The following PDZD2 variants were observed in gnomAD, a reference collection of about 807,000 sequenced individuals.
PDZD2 encodes the protein PDZ domain-containing protein 2.
A neutral mutation model predicts 220.7 loss-of-function variants in PDZD2; 90 were observed. That is an observed-to-expected ratio of 0.41 (90% confidence interval 0.34 to 0.49). PDZD2 has a LOEUF of 0.49. Among genes scored for constraint, PDZD2 ranks in the 20% least tolerant of loss-of-function variants. PDZD2 has a pLI of 0.28. For missense variants in PDZD2, 3,174 were observed against 3,608.5 expected (o/e 0.88, Z 3.08); for synonymous variants, 1,375 against 1,450.5 (o/e 0.95, Z 1.18).
intron 4 of PDZD2, among the ~76,000 whole-genome samples, chr5:31,996,471 G>A (rs940010269): frequency 1.3e-5 from 2 of 152,088 alleles, no homozygotes; most frequent in African/African-American, 4.8e-5. Flanking sequence ...GGTGCTCTGG[G>A]AGGCTGAGGC....
intron 1 of PDZD2, among the ~76,000 whole-genome samples, chr5:31,724,423 G>A (rs1285343451): frequency 6.6e-6 from 1 of 152,044 alleles, no homozygotes; most frequent in East Asian, 1.9e-4. Flanking sequence ...CCAACATGGA[G>A]AAACCCCGTC....
chr5:31,799,873 G>A, intron 2 of PDZD2, 149 bp downstream of exon 2: 3 of 633,144 alleles, frequency 4.7e-6, no homozygotes, highest in African/African-American at 1.8e-5. Context: ...TCCATTCAAC[G>A]CAGCATCACA....
rs914636819 is a variant in PDZD2, at chr5:31,639,972, T to C, written c.-361+535T>C. Reference sequence around the variant, plus strand: ...GGGGCGCGCAAAGATCAAGGGCATCTTAGGGCCGGTTATTGGCGTCTGCCG... The same window carrying C: ...GGGGCGCGCAAAGATCAAGGGCATCCTAGGGCCGGTTATTGGCGTCTGCCG... On this transcript the variant is annotated intron_variant, in intron 1 of 24. Coordinates refer to ENST00000438447, the MANE Select transcript of PDZD2 (RefSeq NM_178140.4). The surrounding 1 kb of genome is among the most constrained non-coding windows in gnomAD (Gnocchi z 4.1). Among the ~76,000 whole-genome samples the C allele has an allele frequency of 6.6e-6, 1 of 152,050 alleles. No individual in the cohort carries two copies. The highest frequency in any genetic ancestry group is 1.5e-5 in the Non-Finnish European group (1 of 67,988).
chr5:31,967,507 C>T (rs1170464997), intron 2 of PDZD2, among the ~76,000 whole-genome samples: 4 of 152,158 alleles, frequency 2.6e-5, no homozygotes, highest in Non-Finnish European at 4.4e-5. Flanking sequence ...GTGGCAGGGG[C>T]AGTGTGCAAC....
intron 23 of PDZD2, chr5:32,100,610 C>T (rs1188871685): frequency 8.7e-6 from 3 of 345,344 alleles, no homozygotes; most frequent in African/African-American, 4.3e-5. Context: ...CTCTGGGTTC[C>T]TGGGGGCTTT....
At chr5:32,074,709 C>G (rs1741125112) in intron 18 of PDZD2, 66 bp downstream of exon 18, 4 of 1,088,940 alleles carry the variant, frequency 3.7e-6, no homozygotes, top group Non-Finnish European at 5.3e-6. Context: ...AAGATGGAGT[C>G]TGTTGTAAAG....
At position 31,729,099 on chromosome 5, in the gene PDZD2, C is replaced by CTTTTT. The variant is rs10650811; in HGVS notation, c.-360-69773_-360-69769dup. Among the ~76,000 whole-genome samples the CTTTTT allele has an allele frequency of 9.4e-4, 116 of 123,672 alleles. 2 individuals are homozygous for CTTTTT. The highest frequency in any genetic ancestry group is 3.1e-3 in the African/African-American group (101 of 32,234). The allele number at this position is 123,672 out of a possible 152,430, so 81.1% of individuals were successfully genotyped here. Reference sequence around the variant, plus strand: ...AGCCTTACATGAAAGTGATCGAAATCTTTTTTTTTTTTTTTTTTTTTGAGA... The same window carrying CTTTTT: ...AGCCTTACATGAAAGTGATCGAAATCTTTTTTTTTTTTTTTTTTTTTTTTTTGAGA... On this transcript the variant is annotated intron_variant, in intron 1 of 24. Transcript: ENST00000438447.
intron 2 of PDZD2, among the ~76,000 whole-genome samples, chr5:31,802,371 A>T (rs1266652680): frequency 6.6e-6 from 1 of 152,184 alleles, no homozygotes; most frequent in Non-Finnish European, 1.5e-5. Flanking sequence ...TAACTGGCAG[A>T]GCCGAGGCTC....
chr5:31,924,476 G>A (rs913041197), intron 2 of PDZD2, among the ~76,000 whole-genome samples: 2 of 152,130 alleles, frequency 1.3e-5, no homozygotes, highest in East Asian at 1.9e-4. Flanking sequence ...CTGAAAAATC[G>A]CTCCTGATTC....
At chr5:31,911,811 C>A (rs1875981) in intron 2 of PDZD2, among the ~76,000 whole-genome samples, 30,054 of 152,098 alleles carry the variant, frequency 0.2, 3,286 homozygotes, top group African/African-American at 0.3. Context: ...GCCAGGACTG[C>A]GCTTCTCTTC....
intron 1 of PDZD2, among the ~76,000 whole-genome samples, chr5:31,680,201 C>T (rs940650417): frequency 1.1e-4 from 17 of 152,214 alleles, no homozygotes; most frequent in African/African-American, 3.9e-4. Flanking sequence ...TCGGGGAGGA[C>T]AAGGCCCTCG....
At chr5:31,663,946 G>T (rs536197415) in intron 1 of PDZD2, among the ~76,000 whole-genome samples, 1 of 152,226 alleles carries the variant, frequency 6.6e-6, no homozygotes, top group Non-Finnish European at 1.5e-5. Flanking sequence ...AAAGTAAGAA[G>T]ATTACTGCTT....
At chr5:31,921,250 TCTC>T (rs1744223962) in intron 2 of PDZD2, among the ~76,000 whole-genome samples, 1 of 152,184 alleles carries the variant, frequency 6.6e-6, no homozygotes, top group Non-Finnish European at 1.5e-5. Flanking sequence ...GAATCCCAAC[TCTC>T]CTCCATCTGT....
intron 20 of PDZD2, among the ~76,000 whole-genome samples, chr5:32,092,231 G>C (rs564350985): frequency 2.7e-5 from 4 of 148,732 alleles, no homozygotes; most frequent in Non-Finnish European, 5.9e-5. Flanking sequence ...CTGAGATCGC[G>C]TCACTGCACT....
At chr5:31,796,662 C>T (rs1754045209) in intron 1 of PDZD2, among the ~76,000 whole-genome samples, 2 of 152,118 alleles carry the variant, frequency 1.3e-5, no homozygotes, top group African/African-American at 4.8e-5. Context: ...CTATTACACA[C>T]TAATTTCCGT....
At chr5:31,773,565 G>A (rs1183734905) in intron 1 of PDZD2, among the ~76,000 whole-genome samples, 2 of 152,012 alleles carry the variant, frequency 1.3e-5, no homozygotes, top group South Asian at 2.1e-4. Context: ...CAGGAGAATC[G>A]CTTGAATCCA....
At chr5:31,720,395 T>C (rs1748718205) in intron 1 of PDZD2, among the ~76,000 whole-genome samples, 1 of 152,154 alleles carries the variant, frequency 6.6e-6, no homozygotes, top group South Asian at 2.1e-4. Context: ...CATCACAACA[T>C]AGTGAAAAAA....
At chr5:32,081,954 G>A (rs955555827) in intron 19 of PDZD2, among the ~76,000 whole-genome samples, 1 of 151,512 alleles carries the variant, frequency 6.6e-6, no homozygotes, top group South Asian at 2.1e-4. Flanking sequence ...TCCTGAACTC[G>A]TGATCTGCCC....
intron 2 of PDZD2, among the ~76,000 whole-genome samples, chr5:31,867,339 C>CT (rs1407910505): frequency 6.6e-6 from 1 of 152,196 alleles, no homozygotes; most frequent in African/African-American, 2.4e-5. Flanking sequence ...ATCTCTCCAC[C>CT]TTTAAACTTC....
Sources: allele counts gnomAD v4.1 joint callset (sites outside exome capture counted in the v4.1 genomes callset), GRCh38; gene constraint gnomAD v4.1.1; non-coding constraint Gnocchi (gnomAD v3.1); transcripts MANE v1.5; gene names NCBI Gene and HGNC (gene_info 2026-07-23, HGNC 2026-07-21).